GABBR2: variants seen among roughly 807,000 people sequenced by gnomAD.
GABBR2 encodes the protein gamma-aminobutyric acid type B receptor subunit 2.
In GABBR2, 23 loss-of-function variants were observed where a neutral mutation model predicts 105.6. The observed-to-expected ratio is 0.22, with a 90% CI of 0.16 to 0.31. GABBR2 has a LOEUF of 0.31. Among genes scored for constraint, GABBR2 ranks in the 10% least tolerant of loss-of-function variants. GABBR2 has a pLI of 1.00. For missense variants in GABBR2, 734 were observed against 1,245.5 expected, an observed-to-expected ratio of 0.59 and a Z score of 6.18; for synonymous variants, 478 against 499.7, an observed-to-expected ratio of 0.96 and a Z score of 0.58.
intron 1 of GABBR2, among the ~76,000 whole-genome samples, chr9:98,684,146 A>G (rs886893018): frequency 7.3e-6 from 1 of 137,092 alleles, no homozygotes; most frequent in Non-Finnish European, 1.6e-5. Context: ...AAAAGGAAAA[A>G]AGAAGAATGC....
intron 13 of GABBR2, among the ~76,000 whole-genome samples, chr9:98,317,347 CGA>C (rs368720780): frequency 0.017 from 2,562 of 152,276 alleles, 34 homozygotes; most frequent in Non-Finnish European, 0.023. Context: ...GCAGCTGGCC[CGA>C]GAGTCCCTCT....
intron 12 of GABBR2, among the ~76,000 whole-genome samples, chr9:98,369,089 T>G (rs1167206396): frequency 6.6e-6 from 1 of 152,240 alleles, no homozygotes; most frequent in Non-Finnish European, 1.5e-5. Context: ...CCTGGGCGAC[T>G]TCCAGTAGTT....
intron 2 of GABBR2, among the ~76,000 whole-genome samples, chr9:98,566,999 T>C (rs1197383513): frequency 6.6e-6 from 1 of 152,134 alleles, no homozygotes; most frequent in Non-Finnish European, 1.5e-5. Context: ...ATTTTCAAAT[T>C]CCCTCTCCAG....
intron 7 of GABBR2, among the ~76,000 whole-genome samples, chr9:98,423,459 T>C (rs1832820372): frequency 6.6e-6 from 1 of 152,196 alleles, no homozygotes; most frequent in African/African-American, 2.4e-5. Flanking sequence ...TGGGGTTGTT[T>C]TTTTCTTGTA....
rs56008459 is a variant in GABBR2, at chr9:98,363,123, C to T, written c.1771-286G>A. ...GCTGTGATTTTCACCCTCCAGGTCT[C>T]TGTAGGTGCTAGTTCTTTTGTCTGG... is the stretch of plus-strand genomic sequence containing the variant. On this transcript the variant is annotated intron_variant, in intron 12 of 18. Coordinates refer to ENST00000259455, the MANE Select transcript of GABBR2 (RefSeq NM_005458.8). Among the ~76,000 whole-genome samples the T allele has an allele frequency of 0.085, 12,941 of 152,210 alleles. 682 individuals are homozygous for T. Among genetic ancestry groups the T allele is most frequent in the African/African-American group, 0.14 (5,986 of 41,506 alleles).
chr9:98,561,943 A>G (rs1416415094), intron 2 of GABBR2, among the ~76,000 whole-genome samples: 3 of 152,212 alleles, frequency 2.0e-5, no homozygotes, highest in African/African-American at 7.2e-5. Context: ...TGAGGCAGGC[A>G]AGCATCATAA....
intron 2 of GABBR2, among the ~76,000 whole-genome samples, chr9:98,554,371 A>G (rs112924843): frequency 7.7e-4 from 117 of 152,290 alleles, no homozygotes; most frequent in African/African-American, 2.7e-3. Flanking sequence ...AAGAAAGAAA[A>G]AGAAAAGAAA....
intron 7 of GABBR2, among the ~76,000 whole-genome samples, chr9:98,435,513 G>A (rs1825886756): frequency 6.6e-6 from 1 of 152,102 alleles, no homozygotes; most frequent in Non-Finnish European, 1.5e-5. Flanking sequence ...TGCAGGTGCT[G>A]TTGCTTTGCT....
At chr9:98,569,958 G>A (rs1426534958) in intron 2 of GABBR2, among the ~76,000 whole-genome samples, 3 of 152,296 alleles carry the variant, frequency 2.0e-5, no homozygotes, top group Non-Finnish European at 4.4e-5. Flanking sequence ...TTAGAATGAT[G>A]CCAGAATTCA....
At chr9:98,362,636 G>C in intron 13 of GABBR2, 79 bp downstream of exon 13, 1 of 1,207,786 alleles carries the variant, frequency 8.3e-7, no homozygotes, top group Non-Finnish European at 1.1e-6. Flanking sequence ...GGGCAGTCTG[G>C]GAGCTGTGCA....
intron 7 of GABBR2, among the ~76,000 whole-genome samples, chr9:98,432,723 G>C (rs747978409): frequency 3.3e-5 from 5 of 152,142 alleles, no homozygotes; most frequent in Non-Finnish European, 7.4e-5. Flanking sequence ...GGAGTCCCGA[G>C]TCCTGAGCAC....
In GABBR2 at chr9:98,496,490, G is replaced by A. The variant is rs893501300; in HGVS notation, c.655C>T (p.Leu219=). 6.2e-7 allele frequency: 1 copy of A among 1,612,698 alleles called. No individual in the cohort carries two copies. Among genetic ancestry groups the A allele is most frequent in the Non-Finnish European group, 8.5e-7 (1 of 1,178,928 alleles). The part of the protein sequence containing the change: ...SEVRNDLTGV[L]YGEDIEISDT... Reference sequence around the variant, plus strand: ...GAAATCTCAATGTCCTCGCCATACAGAACTCCAGTCAGGTCATTCCGCACC... The same window carrying A: ...GAAATCTCAATGTCCTCGCCATACAAAACTCCAGTCAGGTCATTCCGCACC... Residue 219 remains leucine (L), a synonymous_variant, in exon 4 of 19, where the codon CTG becomes TTG. Transcript: ENST00000259455.
intron 9 of GABBR2, among the ~76,000 whole-genome samples, chr9:98,393,912 C>T (rs933536896): frequency 2.3e-4 from 35 of 152,236 alleles, no homozygotes; most frequent in Admixed American, 1.0e-3. Context: ...AGCAGGGCTA[C>T]ATTTAAAAAG....
chr9:98,442,160 T>C (rs937580338), intron 7 of GABBR2, among the ~76,000 whole-genome samples: 21 of 152,236 alleles, frequency 1.4e-4, no homozygotes, highest in African/African-American at 5.1e-4. Context: ...CTCCTCCCGA[T>C]CAGGGGAAAG....
Position 98,577,956 on chromosome 9 carries a change from G to A in GABBR2, c.438C>T (p.Leu146=), listed in dbSNP as rs77722949. ...PSVTSIIAES[L]QGWNLVQLSF... is the part of the protein sequence containing the mutation. ...TTACCTGCACCAGATTCCAGCCTTGGAGGGACTCTGCAATGATGGATGTGA... is the reference window on the plus strand; with the variant it reads ...TTACCTGCACCAGATTCCAGCCTTGAAGGGACTCTGCAATGATGGATGTGA... The change falls in exon 2 of 19, where the codon CTC becomes CTT. Residue 146 remains leucine, a synonymous_variant. Transcript: ENST00000259455. 17 of 1,613,444 alleles carry A rather than the reference G, an allele frequency of 1.1e-5. No individual in the cohort carries two copies. The highest frequency in any genetic ancestry group is 1.4e-5 in the Non-Finnish European group (17 of 1,179,612).
intron 3 of GABBR2, among the ~76,000 whole-genome samples, chr9:98,522,612 C>A (rs1327600526): frequency 5.3e-5 from 8 of 151,980 alleles, no homozygotes. Flanking sequence ...CATTCATAGG[C>A]AAAGCTACAG....
At chr9:98,340,784 C>A (rs1437064987) in intron 13 of GABBR2, among the ~76,000 whole-genome samples, 3 of 152,166 alleles carry the variant, frequency 2.0e-5, no homozygotes. Flanking sequence ...GAGGGAAGGT[C>A]TTCATGGGGA....
intron 2 of GABBR2, among the ~76,000 whole-genome samples, chr9:98,569,340 A>T (rs1828794575): frequency 6.6e-6 from 1 of 152,080 alleles, no homozygotes; most frequent in Non-Finnish European, 1.5e-5. Context: ...TACTTTGAGC[A>T]TCTTGCTGAA....
At chr9:98,298,820 C>T (rs1156986021) in intron 17 of GABBR2, among the ~76,000 whole-genome samples, 1 of 152,218 alleles carries the variant, frequency 6.6e-6, no homozygotes, top group Admixed American at 6.5e-5. Flanking sequence ...TCTATCATAA[C>T]TAACTGACCA....
Sources: gnomAD v4.1 joint callset for allele counts (sites outside exome capture counted in the v4.1 genomes callset) on GRCh38, gnomAD v4.1.1 for gene constraint, MANE v1.5 for transcripts, NCBI Gene and HGNC (gene_info 2026-07-23, HGNC 2026-07-21) for gene names.